Variants in CAPN8 observed in about 807,000 individuals in gnomAD.
CAPN8 encodes calpain-8.
Under a neutral mutation model 80.9 loss-of-function variants are expected in CAPN8, and 87 were observed. The observed-to-expected ratio is 1.07, with a 90% CI of 0.90 to 1.28. CAPN8 has a LOEUF of 1.28. CAPN8 is among the 50% of genes most tolerant of loss of function. CAPN8 has a pLI of 0.00. For synonymous variants in CAPN8, 299 were observed against 273.8 expected (o/e 1.09, Z -0.91); for missense variants, 757 against 702.0 (o/e 1.08, Z -0.89).
intron 10 of CAPN8, among the ~76,000 whole-genome samples, chr1:223,613,658 T>A (rs1657092349): frequency 6.6e-6 from 1 of 152,174 alleles, no homozygotes; most frequent in African/African-American, 2.4e-5. Context: ...TGGCCTGGCA[T>A]CACTGCAGGA....
intron 2 of CAPN8, among the ~76,000 whole-genome samples, chr1:223,640,597 C>T (rs968529719): frequency 6.6e-6 from 1 of 152,124 alleles, no homozygotes; most frequent in Non-Finnish European, 1.5e-5. Context: ...CCATTCATAT[C>T]GAATTGCTTC....
At chr1:223,631,102 T>A (rs189382760) in intron 2 of CAPN8, among the ~76,000 whole-genome samples, 98 of 152,152 alleles carry the variant, frequency 6.4e-4, no homozygotes, top group Non-Finnish European at 1.2e-3. Context: ...AATCTCCCAA[T>A]CGAACTTGGA....
intron 7 of CAPN8, among the ~76,000 whole-genome samples, chr1:223,621,770 G>A (rs74145939): frequency 6.6e-6 from 1 of 151,990 alleles, no homozygotes; most frequent in Non-Finnish European, 1.5e-5. Context: ...ACAGAGTACC[G>A]ACAGCACTTG....
chr1:223,657,691 C>T (rs966133120), intron 1 of CAPN8, among the ~76,000 whole-genome samples: 6 of 152,096 alleles, frequency 3.9e-5, no homozygotes, highest in Non-Finnish European at 8.8e-5. Context: ...CACTTGAACC[C>T]GGGAGCAGAG....
chr1:223,631,709 T>C (rs1468640308), intron 2 of CAPN8, among the ~76,000 whole-genome samples: 1 of 152,182 alleles, frequency 6.6e-6, no homozygotes, highest in Non-Finnish European at 1.5e-5. Context: ...CCCAAGTCTG[T>C]GGGGAAGTGG....
rs544700782 is a variant in CAPN8, at chr1:223,634,128, C to A, written c.308-5348G>T. On this transcript the variant is annotated intron_variant, in intron 2 of 20. Transcript: ENST00000366872. ...CAGAAGATGAGAGACAACGGAAGTG[C>A]CCCCAAGTCTCCCTCGGGTATTATG... 9.9e-5 allele frequency among the ~76,000 whole-genome samples: 15 copies of A among 152,270 alleles called. No homozygotes were observed. The East Asian group carries it at 2.9e-3, about 29-fold the overall frequency.
chr1:223,544,799 C>G lies in CAPN8; in HGVS notation c.1885G>C (p.Glu629Gln). Residue 629 changes from glutamate (E) to glutamine (Q), a missense_variant, in exon 18 of 21, where the codon GAG becomes CAG. By Grantham distance (29) the Glu-to-Gln change is conservative. Transcript: ENST00000366872. ...YNHSGTIDAHEMRTALRKAGF... is the reference protein window; with the variant it reads ...YNHSGTIDAHQMRTALRKAGF... The stretch of plus-strand genomic sequence containing the variant: ...GCCTTCCTGAGGGCTGTCCTCATCT[C>G]GTGGGCATCGATGGTGCCCGAGTGG... 6.4e-7 allele frequency: 1 copy of G among 1,551,694 alleles called. No homozygotes were observed. The highest frequency in any genetic ancestry group is 8.7e-7 in the Non-Finnish European group (1 of 1,147,002).
At chr1:223,631,408 T>G (rs1657770177) in intron 2 of CAPN8, among the ~76,000 whole-genome samples, 1 of 152,142 alleles carries the variant, frequency 6.6e-6, no homozygotes, top group East Asian at 1.9e-4. Flanking sequence ...ATCCCTGGCC[T>G]GTCTTACCAG....
chr1:223,616,041 T>A lies in CAPN8; in HGVS notation c.1240A>T (p.Met414Leu). ...EPCCTVLLGL[M>L]QKNRRWRKRI... ...TTCCGCCACCTGCGATTTTTCTGCA[T>A]CAGGCCCAGCAGCACTGTACAGCAG... The change falls in exon 10 of 21, where the codon ATG becomes TTG. Residue 414 changes from methionine (M) to leucine (L), a missense_variant. Met to Leu is a conservative substitution (Grantham distance 15, BLOSUM62 2). Transcript: ENST00000366872. 2 of 1,552,318 alleles carry A rather than the reference T, an allele frequency of 1.3e-6. No homozygotes were observed. The highest frequency in any genetic ancestry group is 1.4e-5 in the African/African-American group (1 of 73,194).
At chr1:223,637,935 A>G (rs1375765736) in intron 2 of CAPN8, among the ~76,000 whole-genome samples, 2 of 152,118 alleles carry the variant, frequency 1.3e-5, no homozygotes, top group Non-Finnish European at 2.9e-5. Context: ...CTCACAGTTT[A>G]TTGTGCAAGA....
intron 16 of CAPN8, among the ~76,000 whole-genome samples, chr1:223,548,207 G>C (rs1409354503): frequency 6.6e-6 from 1 of 151,208 alleles, no homozygotes; most frequent in Non-Finnish European, 1.5e-5. Context: ...AAGGAACTGA[G>C]AAAAACCCTC....
chr1:223,627,007 C>G lies in CAPN8; in HGVS notation c.711G>C (p.Leu237=), dbSNP rs1388292799. 1.3e-6 allele frequency: 2 copies of G among 1,551,730 alleles called. No homozygotes were observed. Among genetic ancestry groups the G allele is most frequent in the South Asian group, 2.4e-5 (2 of 84,048 alleles). The part of the protein sequence containing the change: ...IIRKALCAGS[L]LGCSIDVSSA... ...GCCTCACATCAATGGAGCAGCCCAG[C>G]AGAGACCCCGCACAGAGGGCCTTCC... Residue 237 remains leucine, a synonymous_variant, in exon 5 of 21, where the codon CTG becomes CTC. Coordinates refer to ENST00000366872, the MANE Select transcript of CAPN8 (RefSeq NM_001143962.2).
intron 8 of CAPN8, 60 bp from the exon 9 acceptor site, chr1:223,619,513 G>A (rs531242817): frequency 3.7e-5 from 56 of 1,529,248 alleles, no homozygotes; most frequent in African/African-American, 1.6e-4. Flanking sequence ...TTAAAGGCAC[G>A]CATACTGAGC....
intron 6 of CAPN8, among the ~76,000 whole-genome samples, chr1:223,624,435 T>C (rs1407351996): frequency 6.6e-6 from 1 of 152,226 alleles, no homozygotes; most frequent in Non-Finnish European, 1.5e-5. Flanking sequence ...CTGGGTATGG[T>C]GGCTCACACC....
At chr1:223,630,634 C>A (rs139919683) in intron 2 of CAPN8, among the ~76,000 whole-genome samples, 20 of 152,272 alleles carry the variant, frequency 1.3e-4, no homozygotes, top group African/African-American at 4.6e-4. Context: ...CCATGCCTGG[C>A]CATATTACTT....
chr1:223,611,510 A>C lies in CAPN8; in HGVS notation c.1323+736T>G, dbSNP rs184388230. ...GCCTGTCAGCTGCTACTGTGGGCTC[A>C]CTGACTATGAGGTAGCCCTGCTCTG... On this transcript the variant is annotated intron_variant, in intron 11 of 20. Coordinates refer to ENST00000366872, the MANE Select transcript of CAPN8 (RefSeq NM_001143962.2). Among the ~76,000 whole-genome samples the C allele has an allele frequency of 2.0e-3, 304 of 152,338 alleles. 1 individual carries two copies. The highest frequency in any genetic ancestry group is 7.0e-3 in the African/African-American group (292 of 41,574).
chr1:223,544,922 A>G (rs1021223092), intron 17 of CAPN8, 72 bp from the exon 18 acceptor site: 1 of 1,547,230 alleles, frequency 6.5e-7, no homozygotes, highest in African/African-American at 1.4e-5. Flanking sequence ...TCCCTCCACC[A>G]CACTGCTTTC....
chr1:223,554,589 GA>G lies in CAPN8; in HGVS notation c.1573-690del, dbSNP rs1235974808. On this transcript the variant is annotated intron_variant, in intron 13 of 20. Transcript: ENST00000366872. ...GGTGATAAAGCGAGACCTTATATCAGAAAAAAAAAACATTTTCTTAGCTTTC... is the reference window on the plus strand; with the variant it reads ...GGTGATAAAGCGAGACCTTATATCAGAAAAAAAAACATTTTCTTAGCTTTC... 6.3e-3 allele frequency among the ~76,000 whole-genome samples: 934 copies of G among 147,858 alleles called. 6 individuals carry two copies. The highest frequency in any genetic ancestry group is 0.022 in the African/African-American group (865 of 40,224).
chr1:223,610,616 G>T (rs1246968676), intron 11 of CAPN8, among the ~76,000 whole-genome samples: 1 of 152,148 alleles, frequency 6.6e-6, no homozygotes, highest in Non-Finnish European at 1.5e-5. Context: ...GGGGCAAACT[G>T]AGTTCCAGCA....
Sources: allele counts gnomAD v4.1 joint callset (sites outside exome capture counted in the v4.1 genomes callset), GRCh38; gene constraint gnomAD v4.1.1; transcripts MANE v1.5; gene names NCBI Gene and HGNC (gene_info 2026-07-23, HGNC 2026-07-21).